Variants in PLPP7 observed in about 807,000 individuals in gnomAD.
PLPP7 encodes the protein inactive phospholipid phosphatase 7.
In PLPP7, 11 loss-of-function variants were observed where a neutral mutation model predicts 16.9. The observed-to-expected ratio is 0.65, with a 90% CI of 0.41 to 1.08. The LOEUF (loss-of-function observed/expected upper bound fraction) is 1.08. PLPP7 is among the 50% of genes least tolerant of loss of function. PLPP7 has a pLI of 0.00. For synonymous variants in PLPP7, 174 were observed against 175.1 expected, an observed-to-expected ratio of 0.99 and a Z score of 0.05; for missense variants, 358 against 397.1, an observed-to-expected ratio of 0.90 and a Z score of 0.84.
intron 1 of PLPP7, among the ~76,000 whole-genome samples, chr9:131,304,730 T>A (rs1433172989): frequency 6.6e-6 from 1 of 152,242 alleles, no homozygotes; most frequent in African/African-American, 2.4e-5. Flanking sequence ...ACTGTGGCTC[T>A]GTTTCTAGCC....
At chr9:131,304,073 TG>T (rs1835827464) in intron 1 of PLPP7, among the ~76,000 whole-genome samples, 1 of 152,096 alleles carries the variant, frequency 6.6e-6, no homozygotes, top group African/African-American at 2.4e-5. Context: ...GTACCTGCCC[TG>T]GGGGTGCTGT....
chr9:131,302,517 C>T (rs781216091), intron 1 of PLPP7, among the ~76,000 whole-genome samples: 6 of 152,192 alleles, frequency 3.9e-5, no homozygotes, highest in Admixed American at 2.0e-4. Context: ...GCACGAAACC[C>T]GGGCATGGTC....
At position 131,290,957 on chromosome 9, in the gene PLPP7, TG is replaced by T. The variant is rs1409735068; in HGVS notation, c.451+513del. ...CTGCCCAGGCTTCTTCCCCAGGGTC[TG>T]GGGACCCAGGGAGTTCCCCTGGGAC... On this transcript the variant is annotated intron_variant, in intron 1 of 1. Transcript: ENST00000372264. This position sits in a 1 kb window ranked among gnomAD's most constrained non-coding sequence, Gnocchi z 4.2. Among the ~76,000 whole-genome samples the T allele has an allele frequency of 6.6e-6, 1 of 152,140 alleles. No homozygotes were observed. The highest frequency in any genetic ancestry group is 1.5e-5 in the Non-Finnish European group (1 of 67,982).
intron 1 of PLPP7, among the ~76,000 whole-genome samples, chr9:131,305,607 C>T (rs944288277): frequency 6.6e-6 from 1 of 151,992 alleles, no homozygotes. Context: ...CACTCTGTCA[C>T]CTTAGCCTCC....
At chr9:131,291,107 G>A (rs960810199) in intron 1 of PLPP7, 1 of 1,366,376 alleles carries the variant, frequency 7.3e-7, no homozygotes, top group Non-Finnish European at 9.8e-7. Context: ...CCAATGTCTT[G>A]CAGATTAGCA....
rs753058712 is a variant in PLPP7 at position 131,308,298 on chromosome 9, G to T, written c.*11G>T. On this transcript the variant is annotated 3_prime_UTR_variant, in exon 2 of 2. Transcript: ENST00000372264. Reference sequence around the variant, plus strand: ...ATCTCTGCCTGGTGAAGCGCCCGCCGGCCCACACAAGCCTCTGGGGGCAGG... The same window carrying T: ...ATCTCTGCCTGGTGAAGCGCCCGCCTGCCCACACAAGCCTCTGGGGGCAGG... 1.9e-6 allele frequency: 3 copies of T among 1,576,528 alleles called. No individual in the cohort carries two copies. The highest frequency in any genetic ancestry group is 1.7e-4 in the Middle Eastern group (1 of 5,986).
At position 131,295,888 on chromosome 9, in the gene PLPP7, T is replaced by G. The variant is rs537508619; in HGVS notation, c.451+5440T>G. Among the ~76,000 whole-genome samples the G allele has an allele frequency of 1.2e-4, 18 of 152,210 alleles. No homozygotes were observed. The highest frequency in any genetic ancestry group is 2.6e-4 in the Admixed American group (4 of 15,286). On this transcript the variant is annotated intron_variant, in intron 1 of 1. Coordinates refer to ENST00000372264, the MANE Select transcript of PLPP7 (RefSeq NM_032728.4). The surrounding 1 kb of genome is among the most constrained non-coding windows in gnomAD (Gnocchi z 4.0). The stretch of plus-strand genomic sequence containing the variant: ...CAGTTACAGGATGGACCACATTTCG[T>G]GTATCCATTCGTGCACCCATGGACA...
chr9:131,294,694 ACAGT>A (rs1389300042), intron 1 of PLPP7, among the ~76,000 whole-genome samples: 1 of 152,072 alleles, frequency 6.6e-6, no homozygotes, highest in Non-Finnish European at 1.5e-5. Flanking sequence ...TTTTTGAGAC[ACAGT>A]CTGTCTCTGT....
Position 131,296,312 on chromosome 9 carries a change from G to A in PLPP7, c.451+5864G>A, listed in dbSNP as rs117751823. Among the ~76,000 whole-genome samples the A allele has an allele frequency of 2.2e-4, 33 of 152,270 alleles. No homozygotes were observed. The East Asian group carries it at 5.2e-3, about 24-fold the overall frequency. On this transcript the variant is annotated intron_variant, in intron 1 of 1. Transcript: ENST00000372264. ...CAGAGTCTCGCTCTGTCACCAGGCT[G>A]GAGTAAAGTGATGCGATCTCGGTTC...
At position 131,295,973 on chromosome 9, in the gene PLPP7, A is replaced by G. The variant is rs916316298; in HGVS notation, c.451+5525A>G. The stretch of plus-strand genomic sequence containing the variant: ...AACGCTGCCGTGCGCACAGGTGTAT[A>G]TGCATCTTCTTGAGCCCCTGCTTTC... On this transcript the variant is annotated intron_variant, in intron 1 of 1. Transcript: ENST00000372264. The surrounding 1 kb of genome is among the most constrained non-coding windows in gnomAD (Gnocchi z 4.0). 6.6e-6 allele frequency among the ~76,000 whole-genome samples: 1 copy of G among 152,124 alleles called. No individual in the cohort carries two copies. Among genetic ancestry groups the G allele is most frequent in the Non-Finnish European group, 1.5e-5 (1 of 68,038 alleles).
At chr9:131,307,551 C>CAAAA (rs57469502) in intron 1 of PLPP7, among the ~76,000 whole-genome samples, 51 of 60,562 alleles carry the variant, frequency 8.4e-4, no homozygotes, top group African/African-American at 3.0e-3. Flanking sequence ...AACTCTGTCT[C>CAAAA]AAAAAAAAAA....
intron 1 of PLPP7, among the ~76,000 whole-genome samples, chr9:131,305,185 C>G (rs1050501379): frequency 6.6e-6 from 1 of 152,214 alleles, no homozygotes; most frequent in African/African-American, 2.4e-5. Context: ...CTTGCACACA[C>G]GTGCATAGCA....
chr9:131,302,652 C>T (rs1244062503), intron 1 of PLPP7, among the ~76,000 whole-genome samples: 2 of 152,224 alleles, frequency 1.3e-5, no homozygotes, highest in East Asian at 3.8e-4. Context: ...CCTTCAGGCC[C>T]CGCCCTCCTT....
At chr9:131,304,895 C>A (rs1835837406) in intron 1 of PLPP7, among the ~76,000 whole-genome samples, 1 of 152,218 alleles carries the variant, frequency 6.6e-6, no homozygotes, top group Non-Finnish European at 1.5e-5. Flanking sequence ...TGAGACTGAA[C>A]CATTCAGGGC....
In PLPP7 at chr9:131,308,605, G is replaced by C. The variant is rs1234986651; in HGVS notation, c.*318G>C. ...CAGCAAAAATCAGGATGGTGGGAGG[G>C]GCCGAGTCTTGTCTTGTCCTTTCAT... is the stretch of plus-strand genomic sequence containing the variant. On this transcript the variant is annotated 3_prime_UTR_variant, in exon 2 of 2. Transcript: ENST00000372264. 4 of 380,016 alleles carry C rather than the reference G, an allele frequency of 1.1e-5. No individual in the cohort carries two copies. Among genetic ancestry groups the C allele is most frequent in the South Asian group, 3.2e-5 (1 of 31,400 alleles). 23.5% of individuals were successfully genotyped at this position (380,016 alleles called of 1,614,324 possible). A position where few individuals can be genotyped will look rare whatever the true frequency, so the allele number is the denominator to read the frequency against.
intron 1 of PLPP7, among the ~76,000 whole-genome samples, chr9:131,303,840 G>C (rs1475033243): frequency 6.6e-6 from 1 of 152,172 alleles, no homozygotes; most frequent in Admixed American, 6.5e-5. Context: ...GGAAAGTTAG[G>C]TGGTTTGCCT....
chr9:131,289,877 G>C lies in PLPP7; in HGVS notation c.-121G>C, dbSNP rs1376103494. 2.7e-6 allele frequency: 2 copies of C among 745,358 alleles called. No homozygotes were observed. The highest frequency in any genetic ancestry group is 6.5e-5 in the East Asian group (2 of 30,778). 46.2% of individuals were successfully genotyped at this position (745,358 alleles called of 1,614,324 possible). On this transcript the variant is annotated 5_prime_UTR_variant, in exon 1 of 2. Transcript: ENST00000372264. ...GCAACTCTCCACACTATATTTAACAGCTGCGGCGGAGAAGGCAGGGAGGCA... is the reference window on the plus strand; with the variant it reads ...GCAACTCTCCACACTATATTTAACACCTGCGGCGGAGAAGGCAGGGAGGCA...
At chr9:131,302,050 C>T (rs1481566775) in intron 1 of PLPP7, among the ~76,000 whole-genome samples, 2 of 152,098 alleles carry the variant, frequency 1.3e-5, no homozygotes, top group Non-Finnish European at 2.9e-5. Context: ...AACTCCTGAC[C>T]TCAGGCGCTC....
intron 1 of PLPP7, among the ~76,000 whole-genome samples, chr9:131,304,787 C>T (rs560582314): frequency 2.8e-4 from 42 of 152,364 alleles, no homozygotes; most frequent in Non-Finnish European, 5.1e-4. Flanking sequence ...CCTGCCTCCA[C>T]GAAGTGATGA....
Sources: allele counts gnomAD v4.1 joint callset (sites outside exome capture counted in the v4.1 genomes callset), GRCh38; gene constraint gnomAD v4.1.1; non-coding constraint Gnocchi (gnomAD v3.1); transcripts MANE v1.5; gene names NCBI Gene and HGNC (gene_info 2026-07-23, HGNC 2026-07-21).